Variants in SGCZ observed in about 807,000 individuals in gnomAD.
SGCZ encodes sarcoglycan zeta, also known as zeta-sarcoglycan.
SGCZ carries 40 observed loss-of-function variants against 41.3 expected under a neutral mutation model. That is an observed-to-expected ratio of 0.97 (90% CI 0.75 to 1.26). SGCZ has a LOEUF of 1.26. SGCZ is among the 50% of genes most tolerant of loss of function. The pLI, the probability that SGCZ is intolerant of heterozygous loss-of-function variation, is 0.00. For missense variants in SGCZ, 552 were observed against 369.8 expected (o/e 1.49, Z -4.04); for synonymous variants, 206 against 137.5 (o/e 1.50, Z -3.49).
At position 14,302,853 on chromosome 8, in the gene SGCZ, A is replaced by G. The variant is rs547367743; in HGVS notation, c.336+21250T>C. 4.6e-4 allele frequency among the ~76,000 whole-genome samples: 70 copies of G among 152,340 alleles called. 1 individual carries two copies. In the East Asian group the frequency reaches 9.3e-3, roughly 20 times the overall value. ...ATACAATTCTGATGACGTCACTTAA[A>G]TGCTCAAAAGAGGGCTCTCTATTTC... On this transcript the variant is annotated intron_variant, in intron 3 of 7. Coordinates refer to ENST00000382080, the MANE Select transcript of SGCZ (RefSeq NM_139167.4).
intron 1 of SGCZ, among the ~76,000 whole-genome samples, chr8:14,966,476 G>A (rs1801129726): frequency 6.6e-6 from 1 of 151,790 alleles, no homozygotes; most frequent in Non-Finnish European, 1.5e-5. Context: ...AGATTACAGA[G>A]GATTTTGTGT....
intron 2 of SGCZ, among the ~76,000 whole-genome samples, chr8:14,446,529 T>C (rs183649274): frequency 5.1e-4 from 77 of 152,348 alleles, no homozygotes; most frequent in African/African-American, 1.8e-3. Context: ...TGATACAATA[T>C]TCAGAAGTTT....
intron 1 of SGCZ, among the ~76,000 whole-genome samples, chr8:14,799,571 T>G (rs544442527): frequency 6.6e-6 from 1 of 152,224 alleles, no homozygotes; most frequent in Admixed American, 6.5e-5. Context: ...TAAACTATCC[T>G]TAGCATTTGA....
chr8:14,498,040 T>C (rs1802042705), intron 2 of SGCZ, among the ~76,000 whole-genome samples: 1 of 152,228 alleles, frequency 6.6e-6, no homozygotes, highest in Non-Finnish European at 1.5e-5. Context: ...CACATTTTAT[T>C]CATGCACATT....
rs542100441 is a variant in SGCZ at position 14,774,753 on chromosome 8, G to A, written c.40-219827C>T. Reference sequence around the variant, plus strand: ...ACCAATGATCTTCATTAGCACGAAGGCAATATATTCAAACCAACATGAACA... The same window carrying A: ...ACCAATGATCTTCATTAGCACGAAGACAATATATTCAAACCAACATGAACA... On this transcript the variant is annotated intron_variant, in intron 1 of 7. Transcript: ENST00000382080. Among the ~76,000 whole-genome samples, 4 of 152,272 alleles carry A rather than the reference G, an allele frequency of 2.6e-5. No individual in the cohort carries two copies. The South Asian group carries it at 8.3e-4, about 32-fold the overall frequency.
intron 1 of SGCZ, among the ~76,000 whole-genome samples, chr8:14,889,710 GTAGTTATTTTAAA>G (rs1432724478): frequency 6.6e-6 from 1 of 151,612 alleles, no homozygotes; most frequent in Admixed American, 6.6e-5. Flanking sequence ...TACTATTAAT[GTAGTTATTTTAAA>G]TACACAAAAT....
chr8:14,320,692 G>A (rs934797267), intron 3 of SGCZ, among the ~76,000 whole-genome samples: 2 of 152,058 alleles, frequency 1.3e-5, no homozygotes, highest in African/African-American at 4.8e-5. Context: ...ACTCAAGACT[G>A]ATGTGCTTAA....
At chr8:14,618,858 A>C (rs766336690) in intron 1 of SGCZ, among the ~76,000 whole-genome samples, 3 of 152,210 alleles carry the variant, frequency 2.0e-5, no homozygotes, top group Non-Finnish European at 4.4e-5. Context: ...AAAGAGAAAA[A>C]GATAACACCA....
At chr8:14,165,584 T>C (rs540462345) in intron 4 of SGCZ, among the ~76,000 whole-genome samples, 2 of 152,260 alleles carry the variant, frequency 1.3e-5, no homozygotes, top group African/African-American at 4.8e-5. Flanking sequence ...ATAACACTTT[T>C]GGCATATGGA....
chr8:14,589,253 G>A (rs1805163467), intron 1 of SGCZ, among the ~76,000 whole-genome samples: 1 of 150,678 alleles, frequency 6.6e-6, no homozygotes, highest in Non-Finnish European at 1.5e-5. Context: ...GGCTGAGGCA[G>A]GAGAATTGTT....
chr8:14,207,250 C>T (rs1371693693), intron 4 of SGCZ, among the ~76,000 whole-genome samples: 1 of 110,438 alleles, frequency 9.1e-6, no homozygotes, highest in Non-Finnish European at 1.9e-5. Flanking sequence ...CTAGTTTTTT[C>T]AATTTAAATG....
At chr8:14,203,960 T>C (rs1176012450) in intron 4 of SGCZ, among the ~76,000 whole-genome samples, 1 of 151,782 alleles carries the variant, frequency 6.6e-6, no homozygotes, top group African/African-American at 2.4e-5. Context: ...GTAAGAATTA[T>C]CTAGGAAAGG....
chr8:14,948,613 C>T (rs1231980042), intron 1 of SGCZ, among the ~76,000 whole-genome samples: 1 of 152,004 alleles, frequency 6.6e-6, no homozygotes, highest in East Asian at 1.9e-4. Context: ...AGGTAGTTTC[C>T]ACTGTTCCTT....
chr8:14,438,622 C>A (rs1341815542), intron 2 of SGCZ, among the ~76,000 whole-genome samples: 2 of 151,930 alleles, frequency 1.3e-5, no homozygotes, highest in African/African-American at 4.8e-5. Context: ...ATGGAAATTA[C>A]TGTTGAATAA....
At chr8:14,460,597 G>A (rs1441781806) in intron 2 of SGCZ, among the ~76,000 whole-genome samples, 1 of 152,032 alleles carries the variant, frequency 6.6e-6, no homozygotes, top group African/African-American at 2.4e-5. Flanking sequence ...AACAAGAAAT[G>A]TATCTAAAGA....
At chr8:14,441,662 C>A (rs975804845) in intron 2 of SGCZ, among the ~76,000 whole-genome samples, 1 of 152,182 alleles carries the variant, frequency 6.6e-6, no homozygotes, top group African/African-American at 2.4e-5. Context: ...AGATTCATAT[C>A]TCAAGGGTTT....
chr8:14,507,786 T>A (rs1011629542), intron 2 of SGCZ, among the ~76,000 whole-genome samples: 5 of 151,416 alleles, frequency 3.3e-5, no homozygotes, highest in African/African-American at 1.2e-4. Flanking sequence ...TTTTTTTTTT[T>A]TCGAGATGGA....
At chr8:14,994,841 T>C (rs534840484) in intron 1 of SGCZ, among the ~76,000 whole-genome samples, 4 of 152,206 alleles carry the variant, frequency 2.6e-5, no homozygotes, top group Non-Finnish European at 4.4e-5. Flanking sequence ...ACACGTTTTT[T>C]CTTAAAATAC....
At chr8:14,789,420 T>G (rs1800877306) in intron 1 of SGCZ, among the ~76,000 whole-genome samples, 1 of 152,220 alleles carries the variant, frequency 6.6e-6, no homozygotes, top group African/African-American at 2.4e-5. Context: ...TTGATCTTTG[T>G]GTTTCAAATA....
Sources: allele counts gnomAD v4.1 joint callset (sites outside exome capture counted in the v4.1 genomes callset), GRCh38; gene constraint gnomAD v4.1.1; transcripts MANE v1.5; gene names NCBI Gene and HGNC (gene_info 2026-07-23, HGNC 2026-07-21).